The following ESPN variants were observed in gnomAD, a reference collection of about 807,000 sequenced individuals.
The protein encoded by ESPN is autosomal recessive deafness type 36 protein.
In ESPN, 68 loss-of-function variants were observed where a neutral mutation model predicts 77.7. That is an observed-to-expected ratio of 0.87 (90% CI 0.72 to 1.07). ESPN has a LOEUF of 1.07. Ranked by LOEUF, ESPN falls within the 50% of genes least tolerant of loss-of-function variation. The probability of loss-of-function intolerance (pLI) is 0.00; values close to 1 mark genes in which losing one functional copy is unlikely to be tolerated. For synonymous variants in ESPN, 449 were observed against 567.1 expected (o/e 0.79, Z 2.96); for missense variants, 1,060 against 1,239.0 (o/e 0.86, Z 2.17).
At chr1:6,458,053 C>T (rs191250643) in intron 12 of ESPN, among the ~76,000 whole-genome samples, 3 of 151,078 alleles carry the variant, frequency 2.0e-5, no homozygotes, top group East Asian at 1.9e-4. Context: ...TGGGGTTTCA[C>T]TCTTGTCACC....
intron 2 of ESPN, among the ~76,000 whole-genome samples, chr1:6,439,106 C>T (rs183316077): frequency 1.3e-5 from 2 of 152,114 alleles, no homozygotes; most frequent in East Asian, 1.9e-4. Context: ...AGCAAGACTC[C>T]GTCTCAAAAA....
intron 3 of ESPN, 22 bp from the exon 4 acceptor site, chr1:6,440,604 T>TCAAC: frequency 9.7e-6 from 7 of 725,278 alleles, no homozygotes; most frequent in Admixed American, 2.7e-5. Flanking sequence ...CCCGCCCCCC[T>TCAAC]CTCCCCGCCC....
chr1:6,446,273 C>T (rs1424234164), intron 7 of ESPN, among the ~76,000 whole-genome samples: 1 of 152,110 alleles, frequency 6.6e-6, no homozygotes, highest in Non-Finnish European at 1.5e-5. Flanking sequence ...TGGAGACTGC[C>T]CCTCCCCAAG....
In ESPN at chr1:6,445,843, C is replaced by T; in HGVS notation, c.1372C>T (p.Pro458Ser). ...LPPPPPGYPAPKPPVGPQAAD... is the reference protein window; with the variant it reads ...LPPPPPGYPASKPPVGPQAAD... ...CCCACCCCCACCTGGCTACCCAGCT[C>T]CCAAGCCTCCTGTAGGACCACAGGC... Residue 458 changes from proline to serine, a missense_variant, in exon 7 of 13, where the codon CCC becomes TCC. Pro to Ser is a moderately conservative substitution (Grantham distance 74). Around this residue, in one of 3 missense-constraint regions of ESPN, gnomAD observed 130 missense variants for 223.9 expected, o/e 0.58. Transcript: ENST00000645284. 6.2e-7 allele frequency: 1 copy of T among 1,608,376 alleles called. No individual in the cohort carries two copies. Among genetic ancestry groups the T allele is most frequent in the Non-Finnish European group, 8.5e-7 (1 of 1,177,468 alleles).
chr1:6,430,578 C>T (rs866566743), intron 2 of ESPN, among the ~76,000 whole-genome samples: 1 of 152,200 alleles, frequency 6.6e-6, no homozygotes, highest in African/African-American at 2.4e-5. Flanking sequence ...CCACGCGGGA[C>T]CCTCCCTCTG....
At position 6,440,386 on chromosome 1, in the gene ESPN, G is replaced by A. The variant is rs746553819; in HGVS notation, c.621G>A (p.Met207Ile). 9 of 1,588,660 alleles carry A rather than the reference G, an allele frequency of 5.7e-6. No homozygotes were observed. In the South Asian group the frequency reaches 1.0e-4, roughly 18 times the overall value. The change falls in exon 3 of 13, where the codon ATG becomes ATA. Residue 207 changes from methionine to isoleucine, a missense_variant. Physicochemically the swap from Met to Ile is conservative, Grantham distance 10 (BLOSUM62 1). Transcript: ENST00000645284. ...ADPHARAHDG[M>I]TPLHAAAQMG... is the part of the protein sequence containing the mutation. ...CGCACGCGCGCGCCCACGACGGCAT[G>A]ACCCCGCTGCACGCCGCGGCGCAGA...
At chr1:6,441,960 C>T (rs1207575564) in intron 5 of ESPN, among the ~76,000 whole-genome samples, 1 of 152,202 alleles carries the variant, frequency 6.6e-6, no homozygotes, top group Non-Finnish European at 1.5e-5. Context: ...ATGAACTTCC[C>T]CCCGCGAAAG....
At chr1:6,453,430 T>C (rs1643989308) in intron 10 of ESPN, among the ~76,000 whole-genome samples, 2 of 152,130 alleles carry the variant, frequency 1.3e-5, no homozygotes, top group African/African-American at 4.8e-5. Context: ...ACCTTATACG[T>C]GGGCTGGGGG....
chr1:6,434,487 T>A (rs1253377517), intron 2 of ESPN, among the ~76,000 whole-genome samples: 1 of 152,142 alleles, frequency 6.6e-6, no homozygotes, highest in African/African-American at 2.4e-5. Flanking sequence ...CAGGGACTTG[T>A]CCACTCTGCC....
rs1185128279 is a variant in ESPN at position 6,447,713 on chromosome 1, G to A, written c.1465-928G>A. 6.6e-6 allele frequency among the ~76,000 whole-genome samples: 1 copy of A among 152,214 alleles called. No homozygotes were observed. The highest frequency in any genetic ancestry group is 2.4e-5 in the African/African-American group (1 of 41,462). The stretch of plus-strand genomic sequence containing the variant: ...CTTTCGTGGATGGCGATGGTTTCCA[G>A]ATGCAGGAGGGGAAGGGTGGGGACG... On this transcript the variant is annotated intron_variant, in intron 7 of 12. Coordinates refer to ENST00000645284, the MANE Select transcript of ESPN (RefSeq NM_031475.3). This position sits in a 1 kb window ranked among gnomAD's most constrained non-coding sequence, Gnocchi z 5.2.
intron 2 of ESPN, among the ~76,000 whole-genome samples, chr1:6,430,259 C>T (rs1194723469): frequency 5.3e-5 from 8 of 152,184 alleles, no homozygotes; most frequent in East Asian, 1.9e-4. Flanking sequence ...TCAGCTCTCT[C>T]GCTGGCGCGT....
chr1:6,440,543 G>GC, intron 3 of ESPN, 83 bp from the exon 4 acceptor site: 1 of 893,588 alleles, frequency 1.1e-6, no homozygotes, highest in Non-Finnish European at 1.5e-6. Flanking sequence ...GGGGGCGGGG[G>GC]CGGGCCACGG....
rs940015431 is a variant in ESPN, at chr1:6,448,609, C to A, written c.1465-32C>A. On this transcript the variant is annotated intron_variant, in intron 7 of 12. Transcript: ENST00000645284. ...GTGGGGGGCGCCTACCGGGCAGGTG[C>A]CCGAGCCCCACCGGTCACTGTCTTC... 1.9e-6 allele frequency: 3 copies of A among 1,540,694 alleles called. No homozygotes were observed. In the African/African-American group the frequency reaches 4.2e-5, roughly 22 times the overall value.
Position 6,457,429 on chromosome 1 carries a change from G to GTC in ESPN, c.2417+58_2417+59dup, listed in dbSNP as rs769090887. 1.1e-4 allele frequency: 178 copies of GTC among 1,613,294 alleles called. 1 individual carries two copies. The highest frequency in any genetic ancestry group is 1.4e-4 in the Non-Finnish European group (169 of 1,179,376). On this transcript the variant is annotated intron_variant, in intron 12 of 12. Coordinates refer to ENST00000645284, the MANE Select transcript of ESPN (RefSeq NM_031475.3). The stretch of plus-strand genomic sequence containing the variant: ...CTTATCCCCACCCAAGTCGCAGAGG[G>GTC]TCGTCCCTTCATCCAGGCCAATTTG...
intron 1 of ESPN, 70 bp downstream of exon 1, chr1:6,425,319 C>G (rs1037920244): frequency 1.3e-6 from 2 of 1,518,396 alleles, no homozygotes; most frequent in East Asian, 4.9e-5. Context: ...CCAGAGTCCC[C>G]CGGGGCTCAA....
intron 10 of ESPN, chr1:6,455,144 C>A: frequency 2.6e-6 from 1 of 388,358 alleles, no homozygotes. Flanking sequence ...ACTGGGAGCC[C>A]CTGGGCACCC....
In ESPN at chr1:6,452,090, G is replaced by C; in HGVS notation, c.2319G>C (p.Arg773Ser). Residue 773 changes from arginine (R) to serine (S), a missense_variant, in exon 10 of 13, where the codon AGG becomes AGC. Coordinates refer to ENST00000645284, the MANE Select transcript of ESPN (RefSeq NM_031475.3). ...AGATGCAGGAGGAGGAGGAGCAGAG[G>C]CGGAAGGTGGGTGGGGCGGGGTGCC... ...QLKMQEEEEQRRKEEEEEARL... is the reference protein window; with the variant it reads ...QLKMQEEEEQSRKEEEEEARL... 6.5e-7 allele frequency: 1 copy of C among 1,544,016 alleles called. No homozygotes were observed. Among genetic ancestry groups the C allele is most frequent in the African/African-American group, 1.4e-5 (1 of 73,376 alleles).
chr1:6,438,473 G>GC (rs34387976), intron 2 of ESPN, among the ~76,000 whole-genome samples: 1 of 152,226 alleles, frequency 6.6e-6, no homozygotes, highest in South Asian at 2.1e-4. Context: ...CAGCTCAAAG[G>GC]CCCCCCTCTG....
rs1465731065 is a variant in ESPN at position 6,448,800 on chromosome 1, G to A, written c.1624G>A (p.Glu542Lys). The A allele has an allele frequency of 1.5e-5, 20 of 1,338,422 alleles. No homozygotes were observed. In the South Asian group the frequency reaches 1.8e-4, roughly 12 times the overall value. The allele number at this position is 1,338,422 out of a possible 1,614,324, so 82.9% of individuals were successfully genotyped here. A position where few individuals can be genotyped will look rare whatever the true frequency, so the allele number is the denominator to read the frequency against. The change falls in exon 8 of 13, where the codon GAG becomes AAG. Residue 542 changes from glutamate (E) to lysine (K), a missense_variant. Around this residue, in one of 3 missense-constraint regions of ESPN, gnomAD observed 130 missense variants for 223.9 expected, o/e 0.58. Transcript: ENST00000645284. ...AARPGMAHSE[E>K]VRARQPARAG... ...ACGCCCGGGCATGGCGCACAGCGAGGAGGTGCGTGCCCGCCAGCCCGCGCG... is the reference window on the plus strand; with the variant it reads ...ACGCCCGGGCATGGCGCACAGCGAGAAGGTGCGTGCCCGCCAGCCCGCGCG...
Sources: gnomAD v4.1 joint callset for allele counts (sites outside exome capture counted in the v4.1 genomes callset) on GRCh38, gnomAD v4.1.1 for gene constraint, gnomAD v4.1.1 regional missense constraint, Gnocchi (gnomAD v3.1) non-coding constraint, MANE v1.5 for transcripts, NCBI Gene and HGNC (gene_info 2026-07-23, HGNC 2026-07-21) for gene names.